The following STAU2 variants were observed in gnomAD, a reference collection of about 807,000 sequenced individuals.
STAU2 encodes double-stranded RNA-binding protein Staufen homolog 2.
STAU2 carries 20 observed loss-of-function variants against 65.9 expected under a neutral mutation model. The ratio of observed to expected loss-of-function variants is 0.30; its 90% CI spans 0.21 to 0.44. The LOEUF (loss-of-function observed/expected upper bound fraction) is 0.44. STAU2 is among the 20% of genes least tolerant of loss of function. The pLI, the probability that STAU2 is intolerant of heterozygous loss-of-function variation, is 1.00. For synonymous variants in STAU2, 232 were observed against 233.9 expected (o/e 0.99, Z 0.07); for missense variants, 558 against 683.9 (o/e 0.82, Z 2.05).
At chr8:73,617,661 T>C (rs958640307) in intron 6 of STAU2, among the ~76,000 whole-genome samples, 1 of 152,086 alleles carries the variant, frequency 6.6e-6, no homozygotes, top group African/African-American at 2.4e-5. Context: ...ATATATAGAA[T>C]ACAACATTAA....
Position 73,552,323 on chromosome 8 carries a change from T to C in STAU2, c.1223-4A>G, listed in dbSNP as rs933967943. 3 of 1,606,390 alleles carry C rather than the reference T, an allele frequency of 1.9e-6. No individual in the cohort carries two copies. The highest frequency in any genetic ancestry group is 1.7e-6 in the Non-Finnish European group (2 of 1,176,402). ...AAATGAAGAATTCCTTTTGGAGCTATAAATAAAATGAAGAACACTGTTATT... is the reference window on the plus strand; with the variant it reads ...AAATGAAGAATTCCTTTTGGAGCTACAAATAAAATGAAGAACACTGTTATT... On this transcript the variant is annotated splice_polypyrimidine_tract_variant and splice_region_variant and intron_variant, in intron 12 of 14. Transcript: ENST00000524300.
At chr8:73,472,626 A>G (rs6999718) in intron 13 of STAU2, among the ~76,000 whole-genome samples, 11,104 of 152,138 alleles carry the variant, frequency 0.073, 811 homozygotes, top group African/African-American at 0.19. Context: ...CATGCCAAAG[A>G]AATTTTTTTT....
At chr8:73,622,935 C>CT (rs1432834341) in intron 6 of STAU2, among the ~76,000 whole-genome samples, 2 of 152,192 alleles carry the variant, frequency 1.3e-5, no homozygotes, top group Admixed American at 1.3e-4. Context: ...CTTCTAACTG[C>CT]TGGAAGTCTT....
intron 4 of STAU2, among the ~76,000 whole-genome samples, chr8:73,703,258 A>G (rs1044078557): frequency 6.6e-6 from 1 of 152,102 alleles, no homozygotes; most frequent in Non-Finnish European, 1.5e-5. Context: ...AGATCTGGTC[A>G]TATAAAAGTG....
At chr8:73,473,328 T>C (rs1295553192) in intron 13 of STAU2, among the ~76,000 whole-genome samples, 4 of 152,172 alleles carry the variant, frequency 2.6e-5, no homozygotes, top group Admixed American at 6.5e-5. Flanking sequence ...TCTTGGAGCA[T>C]CCCAGATCCA....
chr8:73,714,938 A>G (rs1436622519), intron 3 of STAU2, among the ~76,000 whole-genome samples: 1 of 151,920 alleles, frequency 6.6e-6, no homozygotes, highest in Non-Finnish European at 1.5e-5. Flanking sequence ...CAAATTAGCC[A>G]GGCATGATGG....
chr8:73,552,669 T>C (rs1427347416), intron 12 of STAU2, among the ~76,000 whole-genome samples: 1 of 152,108 alleles, frequency 6.6e-6, no homozygotes, highest in Non-Finnish European at 1.5e-5. Context: ...AATTTAATAT[T>C]TTATATCTCA....
At chr8:73,538,085 T>G (rs10957671) in intron 13 of STAU2, among the ~76,000 whole-genome samples, 54,260 of 152,056 alleles carry the variant, frequency 0.36, 11,114 homozygotes, top group Non-Finnish European at 0.46. Context: ...AACTGATACT[T>G]GATTGGAAGA....
chr8:73,421,417 C>CG lies in STAU2; in HGVS notation c.1667dup (p.Ser558LeufsTer44). The CG allele has an allele frequency of 6.5e-7, 1 of 1,537,238 alleles. No homozygotes were observed. The highest frequency in any genetic ancestry group is 2.4e-5 in the East Asian group (1 of 40,922). On this transcript the variant is annotated frameshift_variant, in exon 15 of 15. Transcript: ENST00000524300. LOFTEE classifies it high-confidence loss of function. The stretch of plus-strand genomic sequence containing the variant: ...TCTTGCAGTCCTGAGCGATGGAGCC[C>CG]GGGGGTGCCTGGTTATTGTCCGCTT...
chr8:73,490,764 T>C (rs900670021), intron 13 of STAU2, among the ~76,000 whole-genome samples: 2 of 152,038 alleles, frequency 1.3e-5, no homozygotes, highest in Non-Finnish European at 2.9e-5. Flanking sequence ...TCCTGGGAGC[T>C]CAATATTCTT....
chr8:73,508,602 T>C (rs1428380798), intron 13 of STAU2, among the ~76,000 whole-genome samples: 2 of 152,184 alleles, frequency 1.3e-5, no homozygotes, highest in Non-Finnish European at 2.9e-5. Context: ...CACATGTTGT[T>C]GGAAAAATGG....
intron 6 of STAU2, among the ~76,000 whole-genome samples, chr8:73,650,748 C>A (rs1395562785): frequency 1.3e-5 from 2 of 152,108 alleles, no homozygotes; most frequent in East Asian, 3.9e-4. Context: ...ACTGTGCAAT[C>A]CTATTTCTTT....
At chr8:73,626,984 A>G (rs1347753115) in intron 6 of STAU2, among the ~76,000 whole-genome samples, 1 of 151,930 alleles carries the variant, frequency 6.6e-6, no homozygotes, top group Non-Finnish European at 1.5e-5. Flanking sequence ...TGGCAGAAGC[A>G]GTAAGATGTG....
chr8:73,691,060 A>C (rs774751725), intron 4 of STAU2, among the ~76,000 whole-genome samples: 12 of 152,240 alleles, frequency 7.9e-5, no homozygotes, highest in South Asian at 6.2e-4. Flanking sequence ...TACCCACATA[A>C]ATGACCTTGA....
At chr8:73,720,347 T>A (rs145623042) in intron 3 of STAU2, among the ~76,000 whole-genome samples, 1,586 of 152,124 alleles carry the variant, frequency 0.01, 33 homozygotes, top group African/African-American at 0.037. Flanking sequence ...TCTAGTCTTT[T>A]AAGATGGAAG....
Position 73,673,133 on chromosome 8 carries a change from G to A in STAU2, c.384C>T (p.Tyr128=), listed in dbSNP as rs1482354456. The change falls in exon 6 of 15, where the codon TAC becomes TAT. Residue 128 remains tyrosine (Y), a synonymous_variant. Transcript: ENST00000524300. The part of the protein sequence containing the change: ...PKPFPNYRAN[Y]NFRGMYNQRY... Reference sequence around the variant, plus strand: ...TCTGATTGTACATGCCCCGAAAGTTGTAATTAGCTCTATAATTTGGGAATG... The same window carrying A: ...TCTGATTGTACATGCCCCGAAAGTTATAATTAGCTCTATAATTTGGGAATG... The A allele has an allele frequency of 8.8e-6, 14 of 1,594,310 alleles. No individual in the cohort carries two copies. The highest frequency in any genetic ancestry group is 1.2e-5 in the Non-Finnish European group (14 of 1,170,444).
chr8:73,623,022 T>G (rs1813377721), intron 6 of STAU2, among the ~76,000 whole-genome samples: 1 of 152,238 alleles, frequency 6.6e-6, no homozygotes, highest in Admixed American at 6.5e-5. Context: ...GTCTTGAGAT[T>G]CAGCCTATCT....
intron 1 of STAU2, 46 bp downstream of exon 1, chr8:73,746,737 G>A: frequency 8.7e-7 from 1 of 1,148,986 alleles, no homozygotes; most frequent in Non-Finnish European, 1.1e-6. Context: ...TTCGCCGGCG[G>A]CGCGGAAGTC....
In STAU2 at chr8:73,615,781, T is replaced by C. The variant is rs1404715140; in HGVS notation, c.572A>G (p.Asn191Ser). 2.5e-6 allele frequency: 4 copies of C among 1,605,780 alleles called. No individual in the cohort carries two copies. The African/African-American group carries it at 4.0e-5, about 16-fold the overall frequency. Residue 191 changes from asparagine (N) to serine (S), a missense_variant and splice_region_variant, in exon 8 of 15, where the codon AAT becomes AGT. Physicochemically the swap from Asn to Ser is conservative, Grantham distance 46. Around this residue, in one of 3 missense-constraint regions of STAU2, gnomAD observed 199 missense variants for 299.5 expected, o/e 0.66. Transcript: ENST00000524300. ...ATCCACATCCTTTCCTGATTCACCATTCTAAATCACAAAAAATAGGATAAC... is the reference window on the plus strand; with the variant it reads ...ATCCACATCCTTTCCTGATTCACCACTCTAAATCACAAAAAATAGGATAAC... Reference protein sequence around the residue: ...NEPIPERSPQNGESGKDVDDD... With the variant: ...NEPIPERSPQSGESGKDVDDD...
Sources: allele counts gnomAD v4.1 joint callset (sites outside exome capture counted in the v4.1 genomes callset), GRCh38; gene constraint gnomAD v4.1.1; regional missense constraint gnomAD v4.1.1; transcripts MANE v1.5; gene names NCBI Gene and HGNC (gene_info 2026-07-23, HGNC 2026-07-21).